Variants in FBXW10 observed in about 807,000 individuals in gnomAD.
The protein encoded by FBXW10 is F-box and WD repeat domain containing 10.
Under a neutral mutation model 113.1 loss-of-function variants are expected in FBXW10, and 68 were observed. The observed-to-expected ratio is 0.60, with a 90% CI of 0.49 to 0.74. The LOEUF (loss-of-function observed/expected upper bound fraction) is 0.74, where lower values mean the gene tolerates loss of function less well. FBXW10 is among the 30% of genes least tolerant of loss of function. FBXW10 has a pLI of 0.00. For missense variants in FBXW10, 753 were observed against 1,284.5 expected (o/e 0.59, Z 6.32); for synonymous variants, 289 against 481.6 (o/e 0.60, Z 5.24).
At chr17:18,755,894 T>C (rs1364612281) in intron 5 of FBXW10, 151 bp from the exon 6 acceptor site, 5 of 607,220 alleles carry the variant, frequency 8.2e-6, no homozygotes, top group Non-Finnish European at 1.4e-5. Context: ...GCTTGCTCAC[T>C]GGCTGCTCCC....
intron 11 of FBXW10, 41 bp downstream of exon 11, chr17:18,770,126 G>C (rs2035584635): frequency 6.2e-7 from 1 of 1,608,080 alleles, no homozygotes; most frequent in Non-Finnish European, 8.5e-7. Context: ...GAGTGATTCT[G>C]TTGGATTTTT....
At chr17:18,768,968 G>T (rs1265406289) in intron 10 of FBXW10, among the ~76,000 whole-genome samples, 1 of 122,350 alleles carries the variant, frequency 8.2e-6, no homozygotes, top group South Asian at 2.6e-4. Context: ...ACAGAGTCTC[G>T]CTCTGTTGCC....
At chr17:18,760,105 CTCT>C in intron 7 of FBXW10, among the ~76,000 whole-genome samples, 1 of 152,142 alleles carries the variant, frequency 6.6e-6, no homozygotes, top group East Asian at 1.9e-4. Context: ...ATGAGAATAT[CTCT>C]TCTTATATAT....
At chr17:18,774,736 G>A (rs948731307) in intron 12 of FBXW10, among the ~76,000 whole-genome samples, 2 of 152,128 alleles carry the variant, frequency 1.3e-5, no homozygotes, top group South Asian at 4.1e-4. Context: ...TGGAGGTTGC[G>A]GTGAGCCGAG....
At chr17:18,767,198 C>T (rs1426058496) in intron 9 of FBXW10, among the ~76,000 whole-genome samples, 2 of 151,854 alleles carry the variant, frequency 1.3e-5, no homozygotes, top group African/African-American at 2.4e-5. Context: ...TAGGGCCAGG[C>T]GCAGTGGCTC....
intron 7 of FBXW10, among the ~76,000 whole-genome samples, chr17:18,764,107 C>T (rs572210815): frequency 1.4e-4 from 20 of 147,150 alleles, no homozygotes; most frequent in African/African-American, 4.8e-4. Flanking sequence ...CCAGATATTT[C>T]CAAATGGCCT....
In FBXW10 at chr17:18,764,974, TC is replaced by T. The variant is rs1383324245; in HGVS notation, c.1555+113del. On this transcript the variant is annotated intron_variant, in intron 8 of 13. Coordinates refer to ENST00000395665, the MANE Select transcript of FBXW10 (RefSeq NM_001267585.2). ...GCAGGCAGTCATTTATTCTTTATCA[TC>T]CATCCATCCATCCACCCACCCACCC... The T allele has an allele frequency of 1.9e-6, 3 of 1,585,272 alleles. No homozygotes were observed. In the African/African-American group the frequency reaches 4.0e-5, roughly 21 times the overall value.
chr17:18,747,739 G>T (rs540676777), intron 1 of FBXW10, among the ~76,000 whole-genome samples: 1 of 152,096 alleles, frequency 6.6e-6, no homozygotes, highest in South Asian at 2.1e-4. Context: ...TACAATGGGG[G>T]CGTGCTGAAA....
At chr17:18,770,212 A>G (rs2035586297) in intron 11 of FBXW10, 127 bp downstream of exon 11, 4 of 1,428,952 alleles carry the variant, frequency 2.8e-6, no homozygotes, top group Non-Finnish European at 3.9e-6. Context: ...CCTCTCTACA[A>G]TTCTGGCTGG....
In FBXW10 at chr17:18,778,889, G is replaced by C. The variant is rs149783676; in HGVS notation, c.2750G>C (p.Arg917Thr). The change falls in exon 14 of 14, where the codon AGG becomes ACG. Residue 917 changes from arginine (R) to threonine (T), a missense_variant. By Grantham distance (71) the Arg-to-Thr change is moderately conservative. Transcript: ENST00000395665. ...CCCCAGCCCATGATTATCCGCTCCA[G>C]GTTCTCTGGCAGCTTAAAGGGTGGA... The part of the protein sequence containing the change: ...TIPQPMIIRS[R>T]FSGSLKGGDQ... 230 of 1,613,806 alleles carry C rather than the reference G, an allele frequency of 1.4e-4. 2 individuals are homozygous for C. In the African/African-American group the frequency reaches 2.2e-3, roughly 15 times the overall value.
chr17:18,772,441 T>A lies in FBXW10; in HGVS notation c.2036T>A (p.Leu679His). 6.2e-7 allele frequency: 1 copy of A among 1,614,136 alleles called. No individual in the cohort carries two copies. The highest frequency in any genetic ancestry group is 8.5e-7 in the Non-Finnish European group (1 of 1,180,002). The stretch of plus-strand genomic sequence containing the variant: ...GTGGTCAACACAGAGAGCAATGTTC[T>A]CATGTTCCAGTTTGAGCACATAAAG... Reference protein sequence around the residue: ...RMVVNTESNVLMFQFEHIKWQ... With the variant: ...RMVVNTESNVHMFQFEHIKWQ... The change falls in exon 12 of 14, where the codon CTC becomes CAC. Residue 679 changes from leucine (L) to histidine (H), a missense_variant. Coordinates refer to ENST00000395665, the MANE Select transcript of FBXW10 (RefSeq NM_001267585.2).
chr17:18,753,224 C>A (rs1453317739), intron 5 of FBXW10, among the ~76,000 whole-genome samples: 3 of 152,192 alleles, frequency 2.0e-5, no homozygotes, highest in East Asian at 3.9e-4. Flanking sequence ...ACTTCACCCT[C>A]ATACAGTGGG....
Position 18,772,567 on chromosome 17 carries a change from T to C in FBXW10, c.2162T>C (p.Ile721Thr), listed in dbSNP as rs2035635869. ...SLMEILSKCNIQVHSPRESVS... is the reference protein window; with the variant it reads ...SLMEILSKCNTQVHSPRESVS... ...ATGGAAATTCTCTCTAAGTGTAATA[T>C]TCAGGTTCACAGCCCAAGAGAGTCT... Residue 721 changes from isoleucine to threonine, a missense_variant, in exon 12 of 14, where the codon ATT becomes ACT. Physicochemically the swap from Ile to Thr is moderately conservative, Grantham distance 89 (BLOSUM62 -1). Coordinates refer to ENST00000395665, the MANE Select transcript of FBXW10 (RefSeq NM_001267585.2). The C allele has an allele frequency of 6.2e-7, 1 of 1,613,968 alleles. No homozygotes were observed. Among genetic ancestry groups the C allele is most frequent in the South Asian group, 1.1e-5 (1 of 91,082 alleles).
At chr17:18,768,922 G>A (rs961589840) in intron 10 of FBXW10, among the ~76,000 whole-genome samples, 5 of 147,558 alleles carry the variant, frequency 3.4e-5, no homozygotes, top group Admixed American at 2.2e-4. Context: ...TGGGGGTTTT[G>A]AGAAGTTATT....
At chr17:18,757,688 C>G (rs1403562420) in intron 6 of FBXW10, among the ~76,000 whole-genome samples, 3 of 151,886 alleles carry the variant, frequency 2.0e-5, no homozygotes, top group Non-Finnish European at 2.9e-5. Context: ...ATAAAAAACT[C>G]TCAGTTTGGA....
intron 7 of FBXW10, among the ~76,000 whole-genome samples, chr17:18,763,000 C>T (rs2035415981): frequency 6.7e-6 from 1 of 148,520 alleles, no homozygotes; most frequent in Non-Finnish European, 1.5e-5. Flanking sequence ...TGCACTGTGG[C>T]TGCATTGTAG....
rs1330637137 is a variant in FBXW10 at position 18,747,085 on chromosome 17, C to T, written c.506-856C>T. Among the ~76,000 whole-genome samples, 31 of 152,064 alleles carry T rather than the reference C, an allele frequency of 2.0e-4. No homozygotes were observed. The East Asian group carries it at 3.3e-3, about 16-fold the overall frequency. On this transcript the variant is annotated intron_variant, in intron 1 of 13. Coordinates refer to ENST00000395665, the MANE Select transcript of FBXW10 (RefSeq NM_001267585.2). ...GACTACAGGTGCCCGCCACCACGCCCGGCTAATTTTTTTTGTATTTCTAAT... is the reference window on the plus strand; with the variant it reads ...GACTACAGGTGCCCGCCACCACGCCTGGCTAATTTTTTTTGTATTTCTAAT...
intron 1 of FBXW10, chr17:18,745,137 C>T: frequency 1.9e-6 from 2 of 1,076,904 alleles, no homozygotes; most frequent in Non-Finnish European, 2.3e-6. Context: ...TTTTGTTTTT[C>T]TCTTCAGCTG....
At chr17:18,758,619 T>C in intron 7 of FBXW10, 114 bp downstream of exon 7, 2 of 1,130,110 alleles carry the variant, frequency 1.8e-6, no homozygotes, top group Non-Finnish European at 2.3e-6. Flanking sequence ...TAGAAGATAC[T>C]GACTTCTAGA....
Sources: gnomAD v4.1 joint callset for allele counts (sites outside exome capture counted in the v4.1 genomes callset) on GRCh38, gnomAD v4.1.1 for gene constraint, MANE v1.5 for transcripts, NCBI Gene and HGNC (gene_info 2026-07-23, HGNC 2026-07-21) for gene names.